The following SLC10A1 variants were observed in gnomAD, a reference collection of about 807,000 sequenced individuals.
The protein encoded by SLC10A1 is hepatic sodium/bile acid cotransporter.
SLC10A1 carries 36 observed loss-of-function variants against 20.5 expected under a neutral mutation model. That is an observed-to-expected ratio of 1.75 (90% CI 1.34 to 2.32). SLC10A1 has a LOEUF of 2.32. SLC10A1 is among the 30% of genes most tolerant of loss of function. The probability of loss-of-function intolerance (pLI) is 0.00; values close to 1 mark genes in which losing one functional copy is unlikely to be tolerated. For missense variants in SLC10A1, 545 were observed against 439.1 expected (o/e 1.24, Z -2.16); for synonymous variants, 188 against 163.6 (o/e 1.15, Z -1.14).
chr14:69,787,346 TA>T (rs780389830), intron 1 of SLC10A1, among the ~76,000 whole-genome samples: 18 of 152,208 alleles, frequency 1.2e-4, no homozygotes, highest in Non-Finnish European at 2.4e-4. Context: ...AGGAAGCTGA[TA>T]GGGCATCTCC....
chr14:69,797,038 G>A lies in SLC10A1; in HGVS notation c.118C>T (p.Leu40Phe). The A allele has an allele frequency of 1.2e-6, 2 of 1,614,204 alleles. No individual in the cohort carries two copies. The highest frequency in any genetic ancestry group is 1.7e-6 in the Non-Finnish European group (2 of 1,180,034). Residue 40 changes from leucine to phenylalanine, a missense_variant, in exon 1 of 5, where the codon CTC becomes TTC. Coordinates refer to ENST00000216540, the MANE Select transcript of SLC10A1 (RefSeq NM_003049.4). ...AACTCCATGGTGCAGCCCAGCGAGA[G>A]CATGATGAAGAACAACATGAACACC... ...ILVFMLFFIM[L>F]SLGCTMEFSK...
At chr14:69,792,507 T>C (rs1231909340) in intron 1 of SLC10A1, among the ~76,000 whole-genome samples, 1 of 152,160 alleles carries the variant, frequency 6.6e-6, no homozygotes, top group Non-Finnish European at 1.5e-5. Flanking sequence ...TGCTTCACTG[T>C]TTTCATTTGG....
chr14:69,777,543 A>G (rs1242866299), intron 4 of SLC10A1, among the ~76,000 whole-genome samples: 1 of 149,262 alleles, frequency 6.7e-6, no homozygotes, highest in Non-Finnish European at 1.5e-5. Context: ...TGAGAGTTAT[A>G]ATGAAATGTG....
At chr14:69,791,502 G>A (rs571177648) in intron 1 of SLC10A1, among the ~76,000 whole-genome samples, 1 of 152,100 alleles carries the variant, frequency 6.6e-6, no homozygotes, top group Non-Finnish European at 1.5e-5. Context: ...GGGTTTCACC[G>A]TGTTAGCCAG....
intron 2 of SLC10A1, among the ~76,000 whole-genome samples, chr14:69,783,660 A>C (rs1013932307): frequency 5.9e-5 from 9 of 152,358 alleles, no homozygotes; most frequent in Admixed American, 2.6e-4. Flanking sequence ...GGAGTCAATG[A>C]GAGGCTTTAA....
intron 1 of SLC10A1, among the ~76,000 whole-genome samples, chr14:69,788,197 G>T (rs1295581705): frequency 2.0e-5 from 3 of 152,062 alleles, no homozygotes; most frequent in Non-Finnish European, 4.4e-5. Context: ...GGGATGGGAG[G>T]AGCATTGAAA....
intron 1 of SLC10A1, among the ~76,000 whole-genome samples, chr14:69,790,622 C>T (rs982547615): frequency 2.6e-5 from 4 of 151,534 alleles, no homozygotes; most frequent in Non-Finnish European, 4.4e-5. Flanking sequence ...ACACTAGCAA[C>T]GGAATGAAAA....
chr14:69,777,501 T>A (rs191983685), intron 4 of SLC10A1, among the ~76,000 whole-genome samples: 132 of 151,834 alleles, frequency 8.7e-4, no homozygotes, highest in African/African-American at 3.1e-3. Flanking sequence ...TTGAAGGATT[T>A]GGGTAGGTAC....
chr14:69,778,284 G>T, intron 4 of SLC10A1, 49 bp downstream of exon 4: 1 of 1,475,242 alleles, frequency 6.8e-7, no homozygotes, highest in Non-Finnish European at 9.2e-7. Context: ...GGCAGGCTCA[G>T]GTCTAATATT....
At chr14:69,777,106 T>C (rs576008020) in intron 4 of SLC10A1, among the ~76,000 whole-genome samples, 66 of 152,346 alleles carry the variant, frequency 4.3e-4, no homozygotes, top group South Asian at 1.2e-3. Flanking sequence ...TTCAGGTCTT[T>C]CTGGTACTAA....
chr14:69,786,931 A>G (rs1344490195), intron 1 of SLC10A1, among the ~76,000 whole-genome samples: 1 of 152,236 alleles, frequency 6.6e-6, no homozygotes, highest in Non-Finnish European at 1.5e-5. Flanking sequence ...GCAGAAGTCA[A>G]AAACCCTACT....
At position 69,797,025 on chromosome 14, in the gene SLC10A1, C is replaced by T; in HGVS notation, c.131G>A (p.Cys44Tyr). Residue 44 changes from cysteine to tyrosine, a missense_variant, in exon 1 of 5, where the codon TGC becomes TAC. Coordinates refer to ENST00000216540, the MANE Select transcript of SLC10A1 (RefSeq NM_003049.4). Reference protein sequence around the residue: ...MLFFIMLSLGCTMEFSKIKAH... With the variant: ...MLFFIMLSLGYTMEFSKIKAH... ...CTTGATCTTGCTGAACTCCATGGTG[C>T]AGCCCAGCGAGAGCATGATGAAGAA... The T allele has an allele frequency of 6.2e-7, 1 of 1,614,210 alleles. No homozygotes were observed. Among genetic ancestry groups the T allele is most frequent in the Non-Finnish European group, 8.5e-7 (1 of 1,180,032 alleles).
At chr14:69,777,845 T>G (rs1336161976) in intron 4 of SLC10A1, among the ~76,000 whole-genome samples, 1 of 151,908 alleles carries the variant, frequency 6.6e-6, no homozygotes, top group African/African-American at 2.4e-5. Flanking sequence ...ATCTTTTTTT[T>G]TTTTCTTTAT....
At chr14:69,795,400 C>CTTTTT (rs140035207) in intron 1 of SLC10A1, among the ~76,000 whole-genome samples, 4 of 128,842 alleles carry the variant, frequency 3.1e-5, no homozygotes, top group African/African-American at 1.2e-4. Flanking sequence ...TTTTTATTTC[C>CTTTTT]TTTTTTTTTT....
intron 2 of SLC10A1, among the ~76,000 whole-genome samples, chr14:69,782,413 G>T (rs931991008): frequency 2.6e-5 from 4 of 152,156 alleles, no homozygotes; most frequent in Admixed American, 1.3e-4. Context: ...AATAATCCTG[G>T]CTCTGCCAAG....
At chr14:69,788,861 CTT>C (rs1237510559) in intron 1 of SLC10A1, among the ~76,000 whole-genome samples, 1 of 152,066 alleles carries the variant, frequency 6.6e-6, no homozygotes, top group African/African-American at 2.4e-5. Flanking sequence ...ATGAAGAACT[CTT>C]ATAATGCAAT....
chr14:69,777,164 T>C (rs1594759547), intron 4 of SLC10A1, among the ~76,000 whole-genome samples: 1 of 152,282 alleles, frequency 6.6e-6, no homozygotes, highest in Non-Finnish European at 1.5e-5. Flanking sequence ...CTGTGCACTT[T>C]TTGTAAGAGG....
At chr14:69,778,942 A>C (rs1883517391) in intron 3 of SLC10A1, among the ~76,000 whole-genome samples, 1 of 152,192 alleles carries the variant, frequency 6.6e-6, no homozygotes, top group Non-Finnish European at 1.5e-5. Flanking sequence ...AGGCAGGTGG[A>C]TCACTTGAGC....
intron 1 of SLC10A1, among the ~76,000 whole-genome samples, chr14:69,792,416 G>T (rs1348657764): frequency 6.6e-6 from 1 of 152,166 alleles, no homozygotes; most frequent in Non-Finnish European, 1.5e-5. Flanking sequence ...AATGTTTCCA[G>T]AAGAGGACAC....
Sources: allele counts gnomAD v4.1 joint callset (sites outside exome capture counted in the v4.1 genomes callset), GRCh38; gene constraint gnomAD v4.1.1; transcripts MANE v1.5; gene names NCBI Gene and HGNC (gene_info 2026-07-23, HGNC 2026-07-21).